ANK3: variants seen among roughly 807,000 people sequenced by gnomAD.
ANK3 encodes ankyrin-3.
In ANK3, 57 loss-of-function variants were observed where a neutral mutation model predicts 370.9. That is an observed-to-expected ratio of 0.15 (90% CI 0.12 to 0.19). The LOEUF (loss-of-function observed/expected upper bound fraction) is 0.19. Ranked by LOEUF, ANK3 falls within the 10% of genes least tolerant of loss-of-function variation. The pLI, the probability that ANK3 is intolerant of heterozygous loss-of-function variation, is 1.00. For synonymous variants in ANK3, 1,929 were observed against 1,946.3 expected (o/e 0.99, Z 0.23); for missense variants, 4,439 against 5,302.1 (o/e 0.84, Z 5.06).
intron 2 of ANK3, among the ~76,000 whole-genome samples, chr10:60,578,788 T>C (rs2077712456): frequency 6.6e-6 from 1 of 152,202 alleles, no homozygotes; most frequent in Non-Finnish European, 1.5e-5. Flanking sequence ...CCCTTATTTG[T>C]TCATCTCCTA....
At chr10:60,101,673 T>C (rs2091281041) in intron 28 of ANK3, among the ~76,000 whole-genome samples, 1 of 152,214 alleles carries the variant, frequency 6.6e-6, no homozygotes, top group African/African-American at 2.4e-5. Flanking sequence ...TCTGTGATTC[T>C]AGCCTCTTCA....
At chr10:60,280,294 A>G (rs1267333926) in intron 1 of ANK3, among the ~76,000 whole-genome samples, 2 of 152,104 alleles carry the variant, frequency 1.3e-5, no homozygotes, top group Admixed American at 6.6e-5. Flanking sequence ...CCTGGCCTCA[A>G]GCAATCCTCC....
rs1344409291 is a variant in ANK3, at chr10:60,261,902, G to A, written c.755C>T (p.Thr252Met). 3.1e-6 allele frequency: 5 copies of A among 1,614,094 alleles called. No homozygotes were observed. The highest frequency in any genetic ancestry group is 2.2e-5 in the East Asian group (1 of 44,880). ...AGCAGCCGCTCGGTTTAACAGCAAC[G>A]TGGCTACATTGATATTTCCATAGTG... Reference protein sequence around the residue: ...AAHYGNINVATLLLNRAAAVD... With the variant: ...AAHYGNINVAMLLLNRAAAVD... Residue 252 changes from threonine (T) to methionine (M), a missense_variant, in exon 7 of 44, where the codon ACG becomes ATG. By Grantham distance (81) the Thr-to-Met change is moderately conservative. This residue lies in a region of ANK3 where 227 missense variants were observed against 377.6 expected (regional missense o/e 0.60). Coordinates refer to ENST00000280772, the MANE Select transcript of ANK3 (RefSeq NM_020987.5).
At chr10:60,203,170 G>A (rs2096711371) in intron 11 of ANK3, 70 bp from the exon 12 acceptor site, 2 of 1,021,568 alleles carry the variant, frequency 2.0e-6, no homozygotes, top group Admixed American at 1.9e-5. Flanking sequence ...GAGCCTGCCT[G>A]CCTGTCATCC....
At chr10:60,032,473 G>A (rs2073911577) in intron 43 of ANK3, among the ~76,000 whole-genome samples, 1 of 151,874 alleles carries the variant, frequency 6.6e-6, no homozygotes, top group South Asian at 2.1e-4. Flanking sequence ...CTCCCAAAGT[G>A]CTGGGATTAT....
intron 1 of ANK3, chr10:60,684,523 G>T: frequency 6.5e-7 from 1 of 1,543,006 alleles, no homozygotes; most frequent in Non-Finnish European, 8.8e-7. Context: ...TGGACTATCA[G>T]ACCAGACTTC....
chr10:60,443,748 AAT>A (rs923471744), intron 2 of ANK3, among the ~76,000 whole-genome samples: 6 of 152,180 alleles, frequency 3.9e-5, no homozygotes, highest in African/African-American at 7.2e-5. Context: ...TTCTTGGCTA[AAT>A]ATATCACAAA....
At chr10:60,338,350 T>C (rs1464368029) in intron 1 of ANK3, among the ~76,000 whole-genome samples, 1 of 152,216 alleles carries the variant, frequency 6.6e-6, no homozygotes, top group Non-Finnish European at 1.5e-5. Flanking sequence ...CACAGATTAC[T>C]GGGCCCCACA....
intron 1 of ANK3, among the ~76,000 whole-genome samples, chr10:60,708,087 G>A (rs1201689293): frequency 1.3e-5 from 2 of 152,082 alleles, no homozygotes; most frequent in Non-Finnish European, 2.9e-5. Context: ...CAATGTACAG[G>A]CTGTCAGAGG....
rs527480239 is a variant in ANK3 at position 60,489,280 on chromosome 10, T to C, written c.96+125906A>G. 3.7e-4 allele frequency among the ~76,000 whole-genome samples: 56 copies of C among 152,330 alleles called. No individual in the cohort carries two copies. The South Asian group carries it at 5.6e-3, about 15-fold the overall frequency. Reference sequence around the variant, plus strand: ...CAACCCTGAAAGTAGAGGGACATTTTACTTGTTCATTGATACATCCCAAGT... The same window carrying C: ...CAACCCTGAAAGTAGAGGGACATTTCACTTGTTCATTGATACATCCCAAGT... On this transcript the variant is annotated intron_variant, in intron 2 of 43. Coordinates refer to the ANK3 transcript ENST00000373827.
At chr10:60,539,988 A>G (rs762699259) in intron 2 of ANK3, among the ~76,000 whole-genome samples, 8 of 152,004 alleles carry the variant, frequency 5.3e-5, no homozygotes, top group Non-Finnish European at 1.2e-4. Flanking sequence ...AAAGTCATGG[A>G]CAAGGGGTAC....
At chr10:60,346,099 T>C (rs2055404915) in intron 1 of ANK3, among the ~76,000 whole-genome samples, 1 of 152,058 alleles carries the variant, frequency 6.6e-6, no homozygotes, top group African/African-American at 2.4e-5. Context: ...TCCTCACTCT[T>C]TGTAACAAAT....
At chr10:60,699,722 A>C (rs989021663) in intron 1 of ANK3, among the ~76,000 whole-genome samples, 1 of 152,142 alleles carries the variant, frequency 6.6e-6, no homozygotes, top group Non-Finnish European at 1.5e-5. Flanking sequence ...AGAAAATGTA[A>C]AAGTTGGCTC....
intron 2 of ANK3, among the ~76,000 whole-genome samples, chr10:60,585,944 A>G (rs1009922520): frequency 3.9e-5 from 6 of 152,154 alleles, no homozygotes; most frequent in Non-Finnish European, 8.8e-5. Flanking sequence ...GAATTGATTG[A>G]ACCCCAGAGG....
chr10:60,395,550 CTCTT>C (rs58204421), intron 2 of ANK3, among the ~76,000 whole-genome samples: 7,794 of 108,208 alleles, frequency 0.072, 389 homozygotes, highest in African/African-American at 0.08. Flanking sequence ...ACTACTATGC[CTCTT>C]TCTTTCTTTC....
intron 43 of ANK3, among the ~76,000 whole-genome samples, chr10:60,040,853 G>A (rs1405928272): frequency 6.6e-6 from 1 of 152,146 alleles, no homozygotes; most frequent in Non-Finnish European, 1.5e-5. Context: ...ACAGATGACT[G>A]ACCTCTTTTC....
chr10:60,307,378 G>T (rs1452310461), intron 1 of ANK3, among the ~76,000 whole-genome samples: 1 of 152,020 alleles, frequency 6.6e-6, no homozygotes, highest in Admixed American at 6.6e-5. Context: ...TGTCACCCAG[G>T]CCAGAGCGCA....
At chr10:60,722,118 A>G (rs2079872490) in intron 1 of ANK3, among the ~76,000 whole-genome samples, 1 of 152,070 alleles carries the variant, frequency 6.6e-6, no homozygotes, top group South Asian at 2.1e-4. Context: ...AACCTAAACT[A>G]TGCCATTTCA....
At position 60,146,731 on chromosome 10, in the gene ANK3, C is replaced by T. The variant is rs142767439; in HGVS notation, c.2615-7644G>A. Among the ~76,000 whole-genome samples, 19 of 152,274 alleles carry T rather than the reference C, an allele frequency of 1.2e-4. No individual in the cohort carries two copies. In the East Asian group the frequency reaches 3.1e-3, roughly 25 times the overall value. On this transcript the variant is annotated intron_variant, in intron 23 of 43. Coordinates refer to ENST00000280772, the MANE Select transcript of ANK3 (RefSeq NM_020987.5). ...GTTGAACTCCTGACCTCAGATGATT[C>T]GGCCTCCCAAAGTGCTGGGATTACA...
Sources: allele counts gnomAD v4.1 joint callset (sites outside exome capture counted in the v4.1 genomes callset), GRCh38; gene constraint gnomAD v4.1.1; regional missense constraint gnomAD v4.1.1; transcripts MANE v1.5; gene names NCBI Gene and HGNC (gene_info 2026-07-23, HGNC 2026-07-21).